Variants in SUCLG2 observed in about 807,000 individuals in gnomAD.
SUCLG2 encodes succinate-CoA ligase GDP-forming subunit beta.
Under a neutral mutation model 47.9 loss-of-function variants are expected in SUCLG2, and 42 were observed. The ratio of observed to expected loss-of-function variants is 0.88; its 90% CI spans 0.69 to 1.14. The LOEUF is 1.14. Among genes scored for constraint, SUCLG2 ranks in the 50% most tolerant of loss-of-function variants. The probability of loss-of-function intolerance (pLI) is 0.00; values close to 1 mark genes in which losing one functional copy is unlikely to be tolerated. For synonymous variants in SUCLG2, 195 were observed against 197.3 expected (o/e 0.99, Z 0.10); for missense variants, 571 against 525.9 (o/e 1.09, Z -0.84).
intron 9 of SUCLG2, among the ~76,000 whole-genome samples, chr3:67,454,560 T>C (rs1575707025): frequency 6.6e-6 from 1 of 152,182 alleles, no homozygotes; most frequent in Admixed American, 6.5e-5. Context: ...CATATATAGA[T>C]AGATGGATAG....
rs1163025773 is a variant in SUCLG2, at chr3:67,529,185, A to ATTC, written c.227_228insGAA (p.Leu75_Asn76insLys). On this transcript the variant is annotated inframe_insertion and splice_region_variant, in exon 3 of 11. Transcript: ENST00000307227. The stretch of plus-strand genomic sequence containing the variant: ...GGGCTTTTAAAACAATTTCTTTTGC[A>ATTC]TCTGAAAAAGAAAAATCCAGAGTTG... 12 of 1,607,536 alleles carry ATTC rather than the reference A, an allele frequency of 7.5e-6. No individual in the cohort carries two copies. Among genetic ancestry groups the ATTC allele is most frequent in the Non-Finnish European group, 9.3e-6 (11 of 1,178,392 alleles).
chr3:67,498,316 T>C (rs1233216196), intron 7 of SUCLG2, 21 bp from the exon 8 acceptor site: 2 of 1,611,116 alleles, frequency 1.2e-6, no homozygotes, highest in Non-Finnish European at 1.7e-6. Context: ...AAGAAAACAA[T>C]CATACTTGAA....
chr3:67,591,750 A>C (rs1373336688), intron 2 of SUCLG2, among the ~76,000 whole-genome samples: 1 of 152,174 alleles, frequency 6.6e-6, no homozygotes, highest in Non-Finnish European at 1.5e-5. Context: ...CTAATACAAC[A>C]ATACGTTAGA....
chr3:67,443,894 G>GC, intron 9 of SUCLG2, among the ~76,000 whole-genome samples: 1 of 84,436 alleles, frequency 1.2e-5, no homozygotes, highest in Middle Eastern at 7.6e-3. Flanking sequence ...TCTCCACCCG[G>GC]CAGCCACCCC....
chr3:67,410,632 A>G (rs1443131531), intron 9 of SUCLG2, among the ~76,000 whole-genome samples: 1 of 152,178 alleles, frequency 6.6e-6, no homozygotes, highest in Non-Finnish European at 1.5e-5. Context: ...TTTAAAATAA[A>G]TCATGCAAAA....
At position 67,396,908 on chromosome 3, in the gene SUCLG2, C is replaced by T. The variant is rs954150481; in HGVS notation, c.1183+3823G>A. On this transcript the variant is annotated intron_variant, in intron 10 of 10. Coordinates refer to ENST00000307227, the MANE Select transcript of SUCLG2 (RefSeq NM_003848.4). ...AATGTAATCCAGCATATAAACAGAA[C>T]CAAAGACAAAAACCACATGATTATC... Among the ~76,000 whole-genome samples, 8 of 152,074 alleles carry T rather than the reference C, an allele frequency of 5.3e-5. 1 individual carries two copies. Among genetic ancestry groups the T allele is most frequent in the Middle Eastern group, 3.4e-3 (1 of 294 alleles).
chr3:67,568,356 A>C (rs1707520435), intron 2 of SUCLG2, among the ~76,000 whole-genome samples: 1 of 152,212 alleles, frequency 6.6e-6, no homozygotes, highest in African/African-American at 2.4e-5. Flanking sequence ...GGATAAAAAT[A>C]AATAAAAGAC....
chr3:67,432,575 C>T (rs1382930868), intron 9 of SUCLG2, among the ~76,000 whole-genome samples: 2 of 152,162 alleles, frequency 1.3e-5, no homozygotes, highest in East Asian at 1.9e-4. Context: ...TTCTTTACAC[C>T]TGGTAAAATC....
intron 9 of SUCLG2, among the ~76,000 whole-genome samples, chr3:67,492,065 T>C (rs905360803): frequency 1.3e-5 from 2 of 152,214 alleles, no homozygotes; most frequent in Non-Finnish European, 2.9e-5. Flanking sequence ...AGGTAGCACA[T>C]TTCTTCCTAG....
intron 2 of SUCLG2, among the ~76,000 whole-genome samples, chr3:67,536,031 T>C (rs573451765): frequency 9.2e-5 from 14 of 152,190 alleles, no homozygotes; most frequent in Non-Finnish European, 1.6e-4. Context: ...TGCTTGAGAA[T>C]CCACCTCTCC....
intron 2 of SUCLG2, among the ~76,000 whole-genome samples, chr3:67,568,620 G>T (rs1007406342): frequency 1.3e-4 from 20 of 152,296 alleles, no homozygotes; most frequent in African/African-American, 4.8e-4. Flanking sequence ...GGGCGCGGTG[G>T]CTCACGCCTG....
chr3:67,400,442 T>C (rs1019358328), intron 10 of SUCLG2, among the ~76,000 whole-genome samples: 1 of 152,028 alleles, frequency 6.6e-6, no homozygotes, highest in Non-Finnish European at 1.5e-5. Flanking sequence ...TTTCTCAGAG[T>C]GTTTTTCCCC....
At chr3:67,507,151 C>T (rs907615378) in intron 7 of SUCLG2, among the ~76,000 whole-genome samples, 3 of 152,086 alleles carry the variant, frequency 2.0e-5, no homozygotes, top group Admixed American at 2.0e-4. Context: ...AGCTTCTTCC[C>T]CTTCCTTTCT....
At chr3:67,436,706 T>A (rs1408573151) in intron 9 of SUCLG2, among the ~76,000 whole-genome samples, 1 of 152,190 alleles carries the variant, frequency 6.6e-6, no homozygotes, top group Non-Finnish European at 1.5e-5. Context: ...AGTATTTTTG[T>A]ATAAACATCT....
At chr3:67,609,824 G>A (rs9309843) in intron 1 of SUCLG2, among the ~76,000 whole-genome samples, 1 of 151,780 alleles carries the variant, frequency 6.6e-6, no homozygotes, top group East Asian at 1.9e-4. Context: ...TTTTAAAAAT[G>A]CTGAAAGCTG....
chr3:67,649,696 T>C (rs148245761), intron 1 of SUCLG2, among the ~76,000 whole-genome samples: 1 of 152,244 alleles, frequency 6.6e-6, no homozygotes, highest in Non-Finnish European at 1.5e-5. Context: ...CCAAATTTCA[T>C]TAGTGTACTG....
chr3:67,609,171 T>G (rs932299572), intron 2 of SUCLG2, among the ~76,000 whole-genome samples: 20 of 152,206 alleles, frequency 1.3e-4, no homozygotes, highest in Non-Finnish European at 5.9e-5. Context: ...GGCTGTCCTG[T>G]GATTCCACAT....
chr3:67,457,341 C>A (rs947694193), intron 9 of SUCLG2, among the ~76,000 whole-genome samples: 2 of 152,124 alleles, frequency 1.3e-5, no homozygotes, highest in Non-Finnish European at 2.9e-5. Flanking sequence ...TAAAGTGATA[C>A]ATGGAAATGT....
At chr3:67,540,967 A>G (rs971409195) in intron 2 of SUCLG2, among the ~76,000 whole-genome samples, 1 of 152,234 alleles carries the variant, frequency 6.6e-6, no homozygotes, top group African/African-American at 2.4e-5. Flanking sequence ...GAGGGGACTG[A>G]CTGTTAGAAG....
Sources: gnomAD v4.1 joint callset for allele counts (sites outside exome capture counted in the v4.1 genomes callset) on GRCh38, gnomAD v4.1.1 for gene constraint, MANE v1.5 for transcripts, NCBI Gene and HGNC (gene_info 2026-07-23, HGNC 2026-07-21) for gene names.